Variants in STARD13 observed in about 807,000 individuals in gnomAD.
STARD13 encodes stAR-related lipid transfer protein 13.
STARD13 carries 62 observed loss-of-function variants against 106.4 expected under a neutral mutation model. The ratio of observed to expected loss-of-function variants is 0.58; its 90% CI spans 0.48 to 0.72. The LOEUF (loss-of-function observed/expected upper bound fraction) is 0.72. Among genes scored for constraint, STARD13 ranks in the 30% least tolerant of loss-of-function variants. The pLI, the probability that STARD13 is intolerant of heterozygous loss-of-function variation, is 0.00. For synonymous variants in STARD13, 565 were observed against 553.0 expected (o/e 1.02, Z -0.31); for missense variants, 1,387 against 1,424.0 (o/e 0.97, Z 0.42).
the STARD13 span, among the ~76,000 whole-genome samples, chr13:33,580,223 G>A: frequency 0.12 from 18,028 of 152,004 alleles, 1,591 homozygotes; most frequent in East Asian, 0.29. Context: ...ATATTATTCA[G>A]TGATTATCAA....
chr13:33,244,503 G>A (rs1889724232), intron 1 of STARD13, among the ~76,000 whole-genome samples: 1 of 151,934 alleles, frequency 6.6e-6, no homozygotes, highest in Non-Finnish European at 1.5e-5. Context: ...TAGCCTTGCT[G>A]CTCCTCTTAT....
At chr13:33,435,185 C>A in the STARD13 span, among the ~76,000 whole-genome samples, 3 of 152,198 alleles carry the variant, frequency 2.0e-5, no homozygotes, top group Admixed American at 2.0e-4. Flanking sequence ...TCCTTGACTT[C>A]TCTGCTACTC....
At chr13:33,659,462 C>T in the STARD13 span, among the ~76,000 whole-genome samples, 473 of 152,294 alleles carry the variant, frequency 3.1e-3, 2 homozygotes, top group Non-Finnish European at 5.6e-3. Context: ...GATCCACCCG[C>T]CTTGGCCTCC....
At chr13:33,572,822 T>TA in the STARD13 span, among the ~76,000 whole-genome samples, 1 of 152,168 alleles carries the variant, frequency 6.6e-6, no homozygotes, top group African/African-American at 2.4e-5. Context: ...TTAGGTATCA[T>TA]AAATAACCTG....
At chr13:33,151,757 C>A (rs963710548) in intron 3 of STARD13, among the ~76,000 whole-genome samples, 1 of 152,156 alleles carries the variant, frequency 6.6e-6, no homozygotes, top group Admixed American at 6.5e-5. Flanking sequence ...ATGTAACTGG[C>A]AGCAGGATAG....
At chr13:33,560,211 A>G in the STARD13 span, among the ~76,000 whole-genome samples, 6 of 151,632 alleles carry the variant, frequency 4.0e-5, no homozygotes, top group African/African-American at 1.5e-4. Flanking sequence ...ACTTACAAGC[A>G]GGACATTAAA....
chr13:33,238,868 T>G (rs1457224900), intron 1 of STARD13, among the ~76,000 whole-genome samples: 1 of 152,100 alleles, frequency 6.6e-6, no homozygotes, highest in Non-Finnish European at 1.5e-5. Flanking sequence ...AACATAAAAT[T>G]TACCATCTTA....
At chr13:33,430,360 T>C in the STARD13 span, among the ~76,000 whole-genome samples, 1 of 152,212 alleles carries the variant, frequency 6.6e-6, no homozygotes, top group South Asian at 2.1e-4. Context: ...CTCATAAACA[T>C]ATACACATAC....
chr13:33,421,405 G>C, the STARD13 span, among the ~76,000 whole-genome samples: 1 of 152,146 alleles, frequency 6.6e-6, no homozygotes, highest in Non-Finnish European at 1.5e-5. Context: ...GGAAGAAGTG[G>C]AATATCTGAG....
the STARD13 span, among the ~76,000 whole-genome samples, chr13:33,647,400 C>A: frequency 6.6e-6 from 1 of 152,158 alleles, no homozygotes; most frequent in Non-Finnish European, 1.5e-5. Flanking sequence ...TTCCACTGTG[C>A]CTTTTTCCCA....
chr13:33,220,901 T>C (rs1421431112), intron 1 of STARD13, among the ~76,000 whole-genome samples: 1 of 152,130 alleles, frequency 6.6e-6, no homozygotes, highest in East Asian at 1.9e-4. Flanking sequence ...TACAAAGTTA[T>C]AGAGAACTGC....
the STARD13 span, among the ~76,000 whole-genome samples, chr13:33,548,256 A>C: frequency 6.6e-6 from 1 of 152,218 alleles, no homozygotes; most frequent in African/African-American, 2.4e-5. Flanking sequence ...CAGAAATGAG[A>C]ACAAGAGGAC....
the STARD13 span, among the ~76,000 whole-genome samples, chr13:33,358,501 CA>C: frequency 6.6e-6 from 1 of 152,196 alleles, no homozygotes; most frequent in Non-Finnish European, 1.5e-5. Context: ...GTAAATACAC[CA>C]ATCAGCACCC....
the STARD13 span, among the ~76,000 whole-genome samples, chr13:33,440,127 A>G: frequency 6.6e-6 from 1 of 152,086 alleles, no homozygotes; most frequent in Non-Finnish European, 1.5e-5. Flanking sequence ...AAAAATTTTA[A>G]AATTAGCCGA....
chr13:33,559,001 C>T, the STARD13 span, among the ~76,000 whole-genome samples: 1 of 151,520 alleles, frequency 6.6e-6, no homozygotes, highest in East Asian at 1.9e-4. Flanking sequence ...GTTGACTTTT[C>T]AATTTCATGT....
At chr13:33,545,107 C>T in the STARD13 span, among the ~76,000 whole-genome samples, 2 of 152,102 alleles carry the variant, frequency 1.3e-5, no homozygotes, top group African/African-American at 4.8e-5. Flanking sequence ...AGGCATGTGC[C>T]ACCATGCCTG....
chr13:33,469,808 T>C, the STARD13 span, among the ~76,000 whole-genome samples: 1 of 151,404 alleles, frequency 6.6e-6, no homozygotes, highest in South Asian at 2.1e-4. Context: ...TGATCACAGA[T>C]ATCCCAAATA....
chr13:33,669,530 CTTTT>C, the STARD13 span, among the ~76,000 whole-genome samples: 3 of 103,154 alleles, frequency 2.9e-5, no homozygotes, highest in South Asian at 3.0e-4. Context: ...AGAGGATGTT[CTTTT>C]TTTTTTTTTT....
At chr13:33,418,224 C>G in the STARD13 span, among the ~76,000 whole-genome samples, 1 of 152,208 alleles carries the variant, frequency 6.6e-6, no homozygotes, top group Non-Finnish European at 1.5e-5. Flanking sequence ...AAAAATAGGA[C>G]ACTTTTGCCC....
Sources: gnomAD v4.1 joint callset for allele counts (sites outside exome capture counted in the v4.1 genomes callset) on GRCh38, gnomAD v4.1.1 for gene constraint, MANE v1.5 for transcripts, NCBI Gene and HGNC (gene_info 2026-07-23, HGNC 2026-07-21) for gene names.